The following ACTR3C variants were observed in gnomAD, a reference collection of about 807,000 sequenced individuals.
ACTR3C encodes the protein actin related protein 3C, also known as actin-related protein 3C.
Under a neutral mutation model 26.3 loss-of-function variants are expected in ACTR3C, and 18 were observed. The observed-to-expected ratio is 0.68, with a 90% CI of 0.47 to 1.01. ACTR3C has a LOEUF of 1.01. Among genes scored for constraint, ACTR3C ranks in the 50% least tolerant of loss-of-function variants. The pLI is 0.00. For synonymous variants in ACTR3C, 55 were observed against 94.5 expected (o/e 0.58, Z 2.42); for missense variants, 184 against 250.7 (o/e 0.73, Z 1.80).
At chr7:149,999,985 A>G in the ACTR3C span, among the ~76,000 whole-genome samples, 44,257 of 141,242 alleles carry the variant, frequency 0.31, 7,459 homozygotes, top group Non-Finnish European at 0.36. Flanking sequence ...ATATAGAAAG[A>G]ATAAACTAGA....
At chr7:150,314,334 A>G (rs1211926711) in intron 1 of ACTR3C, among the ~76,000 whole-genome samples, 2 of 152,172 alleles carry the variant, frequency 1.3e-5, no homozygotes, top group Non-Finnish European at 2.9e-5. Context: ...ACACCTTAGA[A>G]AATGCATTTT....
chr7:150,128,842 G>C, the ACTR3C span, among the ~76,000 whole-genome samples: 1 of 152,028 alleles, frequency 6.6e-6, no homozygotes, highest in African/African-American at 2.4e-5. Context: ...AGAGTCAACT[G>C]TAAGAGACAG....
At chr7:150,294,641 C>G (rs59180270) in intron 2 of ACTR3C, among the ~76,000 whole-genome samples, 1,806 of 152,346 alleles carry the variant, frequency 0.012, 37 homozygotes, top group African/African-American at 0.042. Context: ...CCAAATTCAT[C>G]TTTCTATGGA....
the ACTR3C span, among the ~76,000 whole-genome samples, chr7:149,998,611 C>T: frequency 6.7e-6 from 1 of 148,690 alleles, no homozygotes; most frequent in African/African-American, 2.5e-5. Flanking sequence ...TGAGAACTCA[C>T]TATCATGAGA....
chr7:150,028,050 A>G, the ACTR3C span, among the ~76,000 whole-genome samples: 1 of 152,310 alleles, frequency 6.6e-6, no homozygotes, highest in Non-Finnish European at 1.5e-5. Context: ...GCCACCAGAA[A>G]ACACTCTTCA....
chr7:150,278,200 C>A (rs1835044612), intron 6 of ACTR3C, among the ~76,000 whole-genome samples: 1 of 152,232 alleles, frequency 6.6e-6, no homozygotes, highest in Non-Finnish European at 1.5e-5. Context: ...AAAACCCTTC[C>A]CCTCCCATGC....
At chr7:150,249,617 C>G (rs943173170) in intron 6 of ACTR3C, among the ~76,000 whole-genome samples, 1 of 152,076 alleles carries the variant, frequency 6.6e-6, no homozygotes, top group African/African-American at 2.4e-5. Flanking sequence ...CAACACCCAG[C>G]TAATTTTCTG....
chr7:149,959,458 T>C, the ACTR3C span, among the ~76,000 whole-genome samples: 1 of 152,208 alleles, frequency 6.6e-6, no homozygotes, highest in African/African-American at 2.4e-5. Context: ...ATTGCACATG[T>C]CTGTGATTCT....
the ACTR3C span, among the ~76,000 whole-genome samples, chr7:150,232,220 A>G: frequency 6.6e-6 from 1 of 152,192 alleles, no homozygotes; most frequent in African/African-American, 2.4e-5. Context: ...AACAAGATTT[A>G]TATTTCTTAA....
the ACTR3C span, among the ~76,000 whole-genome samples, chr7:149,982,925 T>C: frequency 6.6e-6 from 1 of 152,234 alleles, no homozygotes; most frequent in Admixed American, 6.5e-5. Flanking sequence ...CTATGCTGAA[T>C]AGAAGCAGTG....
chr7:150,294,496 C>T (rs368100414), intron 2 of ACTR3C, among the ~76,000 whole-genome samples: 66 of 152,330 alleles, frequency 4.3e-4, no homozygotes, highest in African/African-American at 1.5e-3. Context: ...GTAACTTAGC[C>T]AGGGGGAAGA....
chr7:150,072,944 T>C, the ACTR3C span, among the ~76,000 whole-genome samples: 1 of 151,942 alleles, frequency 6.6e-6, no homozygotes, highest in African/African-American at 2.4e-5. Context: ...GGAGAACAAA[T>C]AAGACAGCAA....
At chr7:150,078,692 T>C in the ACTR3C span, among the ~76,000 whole-genome samples, 2 of 152,174 alleles carry the variant, frequency 1.3e-5, no homozygotes, top group African/African-American at 4.8e-5. Flanking sequence ...GCCAATGGGA[T>C]GCCCAGATAG....
At chr7:149,963,829 A>G in the ACTR3C span, among the ~76,000 whole-genome samples, 1 of 152,232 alleles carries the variant, frequency 6.6e-6, no homozygotes, top group African/African-American at 2.4e-5. Flanking sequence ...TAAAGACTAA[A>G]TAAAATACCA....
chr7:150,309,841 C>T (rs917145370), intron 1 of ACTR3C, among the ~76,000 whole-genome samples: 1 of 152,196 alleles, frequency 6.6e-6, no homozygotes, highest in Non-Finnish European at 1.5e-5. Context: ...GCCCGATCAC[C>T]TGGGAAAGCC....
At chr7:150,053,852 T>G in the ACTR3C span, among the ~76,000 whole-genome samples, 9 of 152,252 alleles carry the variant, frequency 5.9e-5, no homozygotes, top group Non-Finnish European at 1.3e-4. Flanking sequence ...AGTGTATTTC[T>G]AAAATGTGCA....
chr7:150,206,093 C>T, the ACTR3C span, among the ~76,000 whole-genome samples: 12 of 152,252 alleles, frequency 7.9e-5, no homozygotes, highest in Admixed American at 2.0e-4. Context: ...AAAGTGAGGG[C>T]GGGATCTTCA....
the ACTR3C span, among the ~76,000 whole-genome samples, chr7:150,104,233 G>A: frequency 6.6e-6 from 1 of 151,388 alleles, no homozygotes; most frequent in Admixed American, 6.6e-5. Context: ...TGCTAGGATG[G>A]CCAGAGGAGG....
chr7:150,039,004 G>T, the ACTR3C span, among the ~76,000 whole-genome samples: 8 of 50,768 alleles, frequency 1.6e-4, 3 homozygotes, highest in South Asian at 1.2e-3. Flanking sequence ...AGAGCCGGGG[G>T]GCGGGGAAGA....
Sources: allele counts gnomAD v4.1 joint callset (sites outside exome capture counted in the v4.1 genomes callset), GRCh38; gene constraint gnomAD v4.1.1; transcripts MANE v1.5; gene names NCBI Gene and HGNC (gene_info 2026-07-23, HGNC 2026-07-21).